NKAIN2: variants seen among roughly 807,000 people sequenced by gnomAD.
NKAIN2 encodes sodium/potassium-transporting ATPase subunit beta-1-interacting protein 2.
Under a neutral mutation model 32.6 loss-of-function variants are expected in NKAIN2, and 14 were observed. That is an observed-to-expected ratio of 0.43 (90% CI 0.28 to 0.67). The LOEUF (loss-of-function observed/expected upper bound fraction) is 0.67, where lower values mean the gene tolerates loss of function less well. Ranked by LOEUF, NKAIN2 falls within the 30% of genes least tolerant of loss-of-function variation. The pLI is 0.17. For missense variants in NKAIN2, 198 were observed against 258.3 expected, an observed-to-expected ratio of 0.77 and a Z score of 1.60; for synonymous variants, 80 against 87.2, an observed-to-expected ratio of 0.92 and a Z score of 0.46.
At chr6:124,014,399 A>AAT (rs987421570) in intron 1 of NKAIN2, among the ~76,000 whole-genome samples, 2 of 152,034 alleles carry the variant, frequency 1.3e-5, no homozygotes, top group Non-Finnish European at 2.9e-5. Flanking sequence ...TTTCTATGTC[A>AAT]ATATATATAT....
intron 4 of NKAIN2, among the ~76,000 whole-genome samples, chr6:124,683,945 T>A (rs1342955880): frequency 6.6e-6 from 1 of 152,206 alleles, no homozygotes; most frequent in African/African-American, 2.4e-5. Context: ...GAGAACAGGT[T>A]CTTTACATGT....
At chr6:124,700,384 G>C (rs938783817) in intron 4 of NKAIN2, among the ~76,000 whole-genome samples, 4 of 152,076 alleles carry the variant, frequency 2.6e-5, no homozygotes, top group African/African-American at 9.7e-5. Context: ...TCAAAGTGTT[G>C]AGTTACATCA....
chr6:124,282,340 C>T, intron 1 of NKAIN2: 1 of 294,194 alleles, frequency 3.4e-6, no homozygotes, highest in South Asian at 2.9e-5. Context: ...CTTTTAGGGC[C>T]CTTCTTTTAC....
Position 124,507,539 on chromosome 6 carries a change from C to T in NKAIN2, c.274-150647C>T, listed in dbSNP as rs139121601. Among the ~76,000 whole-genome samples the T allele has an allele frequency of 2.2e-3, 340 of 152,228 alleles. 1 individual carries two copies. Among genetic ancestry groups the T allele is most frequent in the African/African-American group, 7.9e-3 (328 of 41,530 alleles). On this transcript the variant is annotated intron_variant, in intron 3 of 6. Transcript: ENST00000368417. Reference sequence around the variant, plus strand: ...GTATCCATCTTTAATTGCATCTAAACATTTCTCTCTATCACAACTATGATA... The same window carrying T: ...GTATCCATCTTTAATTGCATCTAAATATTTCTCTCTATCACAACTATGATA...
rs779159370 is a variant in NKAIN2 at position 124,658,450 on chromosome 6, T to G, written c.474+64T>G. The stretch of plus-strand genomic sequence containing the variant: ...GGGGTTGTTTTATTTCTGTGCGAAC[T>G]CAGTGCACACAAATGGAATCTGTGG... On this transcript the variant is annotated intron_variant, in intron 4 of 6. Coordinates refer to ENST00000368417, the MANE Select transcript of NKAIN2 (RefSeq NM_001040214.3). The G allele has an allele frequency of 5.0e-6, 8 of 1,612,498 alleles. No individual in the cohort carries two copies. In the South Asian group the frequency reaches 8.8e-5, roughly 18 times the overall value.
chr6:124,741,362 T>G (rs1777201265), intron 4 of NKAIN2, among the ~76,000 whole-genome samples: 1 of 151,824 alleles, frequency 6.6e-6, no homozygotes, highest in Admixed American at 6.6e-5. Flanking sequence ...TGATTCTATG[T>G]TTTCAATGAA....
intron 4 of NKAIN2, among the ~76,000 whole-genome samples, chr6:124,749,227 T>C (rs1278358809): frequency 6.6e-6 from 1 of 151,822 alleles, no homozygotes; most frequent in Non-Finnish European, 1.5e-5. Context: ...GATCTTCTCA[T>C]GATGAATCTC....
chr6:124,294,735 G>A (rs1049435300), intron 2 of NKAIN2, among the ~76,000 whole-genome samples: 1 of 151,930 alleles, frequency 6.6e-6, no homozygotes, highest in African/African-American at 2.4e-5. Flanking sequence ...CATTTTCCTG[G>A]TCATCTCTGT....
intron 1 of NKAIN2, among the ~76,000 whole-genome samples, chr6:124,281,065 C>T (rs958367813): frequency 6.6e-6 from 1 of 152,078 alleles, no homozygotes; most frequent in Non-Finnish European, 1.5e-5. Flanking sequence ...ATTAATAGGA[C>T]TGCTATTTTC....
intron 3 of NKAIN2, among the ~76,000 whole-genome samples, chr6:124,580,562 T>A (rs1781483997): frequency 6.6e-6 from 1 of 150,654 alleles, no homozygotes; most frequent in African/African-American, 2.4e-5. Context: ...CCAGAGAAAA[T>A]TACCTTCACT....
chr6:123,852,668 T>A lies in NKAIN2; in HGVS notation c.54+48414T>A, dbSNP rs888389997. Among the ~76,000 whole-genome samples the A allele has an allele frequency of 3.3e-5, 5 of 152,168 alleles. No homozygotes were observed. The East Asian group carries it at 5.8e-4, about 18-fold the overall frequency. On this transcript the variant is annotated intron_variant, in intron 1 of 6. Transcript: ENST00000368417. ...AACGTGGAAAATACTATTCAGCCTT[T>A]AAAAAGAAGGAAATCCTATCATTTG...
intron 2 of NKAIN2, among the ~76,000 whole-genome samples, chr6:124,342,269 C>T (rs1179800890): frequency 3.3e-5 from 5 of 151,086 alleles, no homozygotes; most frequent in Non-Finnish European, 7.4e-5. Context: ...ATTAGCCAGG[C>T]GTGGTGGTGG....
intron 4 of NKAIN2, among the ~76,000 whole-genome samples, chr6:124,779,318 G>GGGAAGGAAGGAAGGAA (rs869195660): frequency 2.6e-4 from 14 of 53,012 alleles, no homozygotes; most frequent in Admixed American, 1.1e-3. Context: ...GAGGGAGGGA[G>GGGAAGGAAGGAAGGAA]GGAAGGAAGG....
chr6:124,011,751 A>G (rs1780340382), intron 1 of NKAIN2, among the ~76,000 whole-genome samples: 1 of 152,180 alleles, frequency 6.6e-6, no homozygotes, highest in Non-Finnish European at 1.5e-5. Flanking sequence ...TTTGTAGCTT[A>G]GGCCTACATC....
At chr6:124,643,207 G>A (rs1015158066) in intron 3 of NKAIN2, among the ~76,000 whole-genome samples, 14 of 152,048 alleles carry the variant, frequency 9.2e-5, no homozygotes, top group African/African-American at 1.7e-4. Flanking sequence ...TATTGATCTG[G>A]CACTTAGGTC....
intron 1 of NKAIN2, among the ~76,000 whole-genome samples, chr6:123,824,192 G>C (rs1774043869): frequency 6.6e-6 from 1 of 152,088 alleles, no homozygotes; most frequent in African/African-American, 2.4e-5. Context: ...AAGTGGAAGA[G>C]GCCCCTGAGG....
intron 1 of NKAIN2, among the ~76,000 whole-genome samples, chr6:123,805,504 T>C (rs1360606379): frequency 6.6e-6 from 1 of 152,220 alleles, no homozygotes; most frequent in Non-Finnish European, 1.5e-5. Flanking sequence ...GGTGTCTATT[T>C]TGATCTGTGA....
At chr6:123,817,925 G>C (rs1368665271) in intron 1 of NKAIN2, among the ~76,000 whole-genome samples, 1 of 152,038 alleles carries the variant, frequency 6.6e-6, no homozygotes, top group East Asian at 1.9e-4. Flanking sequence ...ACTTTTTATG[G>C]TCAATTATGT....
intron 3 of NKAIN2, among the ~76,000 whole-genome samples, chr6:124,359,081 G>A (rs1799140734): frequency 6.6e-6 from 1 of 152,060 alleles, no homozygotes; most frequent in African/African-American, 2.4e-5. Flanking sequence ...TCAGATAGTT[G>A]TAGATATGCA....
Sources: gnomAD v4.1 joint callset for allele counts (sites outside exome capture counted in the v4.1 genomes callset) on GRCh38, gnomAD v4.1.1 for gene constraint, MANE v1.5 for transcripts, NCBI Gene and HGNC (gene_info 2026-07-23, HGNC 2026-07-21) for gene names.